Variants in ADAMTS17 observed in about 807,000 individuals in gnomAD.
ADAMTS17 encodes the protein A disintegrin and metalloproteinase with thrombospondin motifs 17.
In ADAMTS17, 113 loss-of-function variants were observed where a neutral mutation model predicts 141.5. The ratio of observed to expected loss-of-function variants is 0.80; its 90% CI spans 0.69 to 0.93. ADAMTS17 has a LOEUF of 0.93. Among genes scored for constraint, ADAMTS17 ranks in the 40% least tolerant of loss-of-function variants. The pLI, the probability that ADAMTS17 is intolerant of heterozygous loss-of-function variation, is 0.00. For missense variants in ADAMTS17, 1,659 were observed against 1,517.9 expected (o/e 1.09, Z -1.54); for synonymous variants, 768 against 630.6 (o/e 1.22, Z -3.27).
chr15:100,015,454 A>G (rs1351292327), intron 18 of ADAMTS17, among the ~76,000 whole-genome samples: 1 of 151,718 alleles, frequency 6.6e-6, no homozygotes, highest in African/African-American at 2.4e-5. Context: ...TTTTTGTTTT[A>G]AAGGTCCTGT....
chr15:100,274,644 T>G (rs1460449771), intron 4 of ADAMTS17, among the ~76,000 whole-genome samples: 1 of 152,256 alleles, frequency 6.6e-6, no homozygotes, highest in Non-Finnish European at 1.5e-5. Context: ...TGTCTTTGAT[T>G]GAAGTTTAAT....
chr15:100,123,264 GCT>G (rs2037544371), intron 12 of ADAMTS17, among the ~76,000 whole-genome samples: 1 of 152,220 alleles, frequency 6.6e-6, no homozygotes, highest in African/African-American at 2.4e-5. Context: ...TCTGGAAGTT[GCT>G]CTGAGCTACG....
chr15:100,277,064 T>A (rs1230319983), intron 4 of ADAMTS17, among the ~76,000 whole-genome samples: 1 of 152,116 alleles, frequency 6.6e-6, no homozygotes, highest in Admixed American at 6.5e-5. Context: ...TCCATTCGCC[T>A]TCTGGCTTGG....
At chr15:100,194,789 T>C (rs1326834839) in intron 8 of ADAMTS17, among the ~76,000 whole-genome samples, 2 of 152,190 alleles carry the variant, frequency 1.3e-5, no homozygotes, top group Non-Finnish European at 2.9e-5. Flanking sequence ...CTGGGGCGTG[T>C]CATCCCAGCT....
chr15:100,081,102 C>T (rs1002903797), intron 15 of ADAMTS17, among the ~76,000 whole-genome samples: 2 of 152,116 alleles, frequency 1.3e-5, no homozygotes, highest in Non-Finnish European at 2.9e-5. Flanking sequence ...CAGATCCACC[C>T]TTAATCTGGT....
At chr15:100,079,809 A>C (rs2034615532) in intron 15 of ADAMTS17, among the ~76,000 whole-genome samples, 1 of 152,192 alleles carries the variant, frequency 6.6e-6, no homozygotes, top group Non-Finnish European at 1.5e-5. Context: ...ATGGTATTCC[A>C]CACAGCACTG....
intron 15 of ADAMTS17, among the ~76,000 whole-genome samples, chr15:100,093,402 C>T (rs1319152542): frequency 2.0e-5 from 3 of 152,052 alleles, no homozygotes; most frequent in East Asian, 1.9e-4. Flanking sequence ...TGATATTCAC[C>T]GTTAAGGGTG....
chr15:100,284,083 C>G (rs1016640818), intron 3 of ADAMTS17, among the ~76,000 whole-genome samples: 2 of 151,696 alleles, frequency 1.3e-5, no homozygotes, highest in Non-Finnish European at 2.9e-5. Flanking sequence ...CCAGCCTGGG[C>G]GACAGAGCAA....
At chr15:100,064,556 C>A (rs1013668386) in intron 15 of ADAMTS17, among the ~76,000 whole-genome samples, 3 of 152,184 alleles carry the variant, frequency 2.0e-5, no homozygotes, top group Non-Finnish European at 4.4e-5. Flanking sequence ...CAGCAGAAAC[C>A]AAGCAATTTA....
intron 4 of ADAMTS17, among the ~76,000 whole-genome samples, chr15:100,279,762 G>A (rs2044221761): frequency 6.6e-6 from 1 of 152,156 alleles, no homozygotes; most frequent in Non-Finnish European, 1.5e-5. Flanking sequence ...GATTCCACCT[G>A]ACTAGGCTTC....
At chr15:100,162,940 A>C (rs914595549) in intron 8 of ADAMTS17, among the ~76,000 whole-genome samples, 2 of 144,792 alleles carry the variant, frequency 1.4e-5, no homozygotes, top group African/African-American at 5.0e-5. Flanking sequence ...ATATATGTAT[A>C]TATTTGTGTA....
At chr15:100,178,976 G>A (rs2040430969) in intron 8 of ADAMTS17, among the ~76,000 whole-genome samples, 1 of 151,886 alleles carries the variant, frequency 6.6e-6, no homozygotes, top group Admixed American at 6.6e-5. Context: ...AATTTCTGTG[G>A]GTACATAGTA....
intron 14 of ADAMTS17, among the ~76,000 whole-genome samples, chr15:100,105,671 G>A (rs1363243533): frequency 1.3e-5 from 2 of 152,158 alleles, no homozygotes; most frequent in Non-Finnish European, 2.9e-5. Flanking sequence ...GAAGAGGCTA[G>A]AGAGCTAGCT....
chr15:99,972,085 A>C lies in ADAMTS17; in HGVS notation c.*2317T>G, dbSNP rs2060219607. ...GCTAACATGGTGAAACCCCGTCTCT[A>C]GTAAAAATACAAAAAAGTAGGTGGG... is the stretch of plus-strand genomic sequence containing the variant. On this transcript the variant is annotated 3_prime_UTR_variant, in exon 22 of 22. Transcript: ENST00000268070. 2.0e-5 allele frequency: 3 copies of C among 152,456 alleles called. No homozygotes were observed. The East Asian group carries it at 5.8e-4, about 29-fold the overall frequency. 9.4% of individuals were successfully genotyped at this position (152,456 alleles called of 1,614,324 possible).
chr15:100,139,800 G>C (rs1224074304), intron 10 of ADAMTS17, among the ~76,000 whole-genome samples: 1 of 152,156 alleles, frequency 6.6e-6, no homozygotes. Flanking sequence ...GAAAGAAAAG[G>C]AAAGGCTGAG....
chr15:100,230,519 C>T (rs1182059776), intron 7 of ADAMTS17, among the ~76,000 whole-genome samples: 3 of 152,152 alleles, frequency 2.0e-5, no homozygotes, highest in African/African-American at 7.2e-5. Flanking sequence ...CGGGGTTAGA[C>T]TGGGATGGTC....
intron 15 of ADAMTS17, among the ~76,000 whole-genome samples, chr15:100,065,537 TTC>T: frequency 6.6e-6 from 1 of 152,330 alleles, no homozygotes; most frequent in Admixed American, 6.5e-5. Flanking sequence ...AGTTTCTTCT[TTC>T]ACTATTCTGG....
intron 18 of ADAMTS17, among the ~76,000 whole-genome samples, chr15:100,017,199 G>C (rs1816528): frequency 0.02 from 3,102 of 152,250 alleles, 113 homozygotes; most frequent in African/African-American, 0.071. Context: ...CCAAAGGGCT[G>C]GTCTCACTCG....
At chr15:100,131,915 G>T (rs889638801) in intron 12 of ADAMTS17, 92 bp downstream of exon 12, 1 of 1,589,542 alleles carries the variant, frequency 6.3e-7, no homozygotes. Flanking sequence ...TGCTCAGCGG[G>T]AGACAGACCC....
Sources: gnomAD v4.1 joint callset for allele counts (sites outside exome capture counted in the v4.1 genomes callset) on GRCh38, gnomAD v4.1.1 for gene constraint, MANE v1.5 for transcripts, NCBI Gene and HGNC (gene_info 2026-07-23, HGNC 2026-07-21) for gene names.